The following SEMA3C variants were observed in gnomAD, a reference collection of about 807,000 sequenced individuals.
SEMA3C encodes semaphorin-3C.
SEMA3C carries 47 observed loss-of-function variants against 89.4 expected under a neutral mutation model. That is an observed-to-expected ratio of 0.53 (90% CI 0.42 to 0.67). SEMA3C has a LOEUF of 0.67. Among genes scored for constraint, SEMA3C ranks in the 30% least tolerant of loss-of-function variants. SEMA3C has a pLI of 0.00. For missense variants in SEMA3C, 839 were observed against 929.1 expected, an observed-to-expected ratio of 0.90 and a Z score of 1.26; for synonymous variants, 310 against 320.2, an observed-to-expected ratio of 0.97 and a Z score of 0.34.
chr7:80,915,501 C>T (rs978632030), intron 2 of SEMA3C, among the ~76,000 whole-genome samples: 12 of 152,074 alleles, frequency 7.9e-5, no homozygotes, highest in Non-Finnish European at 1.5e-4. Context: ...TGGCTCACCT[C>T]GGGAGGCGGA....
chr7:80,793,484 C>T (rs760618496), intron 11 of SEMA3C: 65 of 450,166 alleles, frequency 1.4e-4, no homozygotes, highest in Non-Finnish European at 2.8e-4. Flanking sequence ...TATCTTCAGA[C>T]ACAAGTATTC....
rs904350770 is a variant in SEMA3C at position 80,870,712 on chromosome 7, T to C, written c.104-41967A>G. The stretch of plus-strand genomic sequence containing the variant: ...CAGCTTATATAACATTGAACCAAAA[T>C]GAAGCATGGGGGTTTAGCACCAGAG... On this transcript the variant is annotated intron_variant, in intron 2 of 17. Transcript: ENST00000265361. 3.3e-5 allele frequency among the ~76,000 whole-genome samples: 5 copies of C among 152,302 alleles called. No homozygotes were observed. The East Asian group carries it at 7.7e-4, about 23-fold the overall frequency.
At chr7:80,849,037 C>T (rs951942271) in intron 2 of SEMA3C, among the ~76,000 whole-genome samples, 5 of 152,090 alleles carry the variant, frequency 3.3e-5, no homozygotes, top group South Asian at 2.1e-4. Context: ...CGTTTCTTAA[C>T]GCAAGAGATT....
intron 5 of SEMA3C, among the ~76,000 whole-genome samples, chr7:80,814,550 T>C (rs1789553735): frequency 6.6e-6 from 1 of 152,076 alleles, no homozygotes; most frequent in African/African-American, 2.4e-5. Context: ...GTTACTCTTA[T>C]AAAACAATGA....
intron 2 of SEMA3C, among the ~76,000 whole-genome samples, chr7:80,872,165 T>C (rs1791074048): frequency 6.6e-6 from 1 of 152,096 alleles, no homozygotes; most frequent in African/African-American, 2.4e-5. Flanking sequence ...GTTGTTGTTG[T>C]TTTCAGACAG....
intron 17 of SEMA3C, among the ~76,000 whole-genome samples, chr7:80,746,119 TCTA>T (rs1240449165): frequency 5.3e-5 from 8 of 152,148 alleles, no homozygotes; most frequent in Non-Finnish European, 8.8e-5. Flanking sequence ...ACATGTATAC[TCTA>T]GAATACTCTT....
intron 2 of SEMA3C, among the ~76,000 whole-genome samples, chr7:80,864,000 A>C: frequency 6.6e-6 from 1 of 150,612 alleles, no homozygotes; most frequent in South Asian, 2.1e-4. Context: ...TATATCACAT[A>C]TATATCGCAT....
chr7:80,874,097 T>C (rs533254882), intron 2 of SEMA3C, among the ~76,000 whole-genome samples: 15 of 152,336 alleles, frequency 9.8e-5, no homozygotes, highest in Non-Finnish European at 1.8e-4. Flanking sequence ...TCCTTGTTTA[T>C]ACTAACAACT....
intron 12 of SEMA3C, among the ~76,000 whole-genome samples, chr7:80,780,853 T>C (rs1788676853): frequency 6.6e-6 from 1 of 152,182 alleles, no homozygotes; most frequent in Non-Finnish European, 1.5e-5. Context: ...CACTGCACTC[T>C]GGCCTGAGCC....
intron 2 of SEMA3C, among the ~76,000 whole-genome samples, chr7:80,862,886 C>A (rs1037409649): frequency 5.3e-5 from 8 of 152,020 alleles, no homozygotes; most frequent in African/African-American, 1.9e-4. Context: ...AATTGGCTAG[C>A]CACATGGAGG....
chr7:80,867,039 C>A (rs749140041), intron 2 of SEMA3C, among the ~76,000 whole-genome samples: 1 of 152,172 alleles, frequency 6.6e-6, no homozygotes, highest in Non-Finnish European at 1.5e-5. Flanking sequence ...TTCGATTGCA[C>A]TGCCTATTGG....
chr7:80,874,553 G>A (rs760161003), intron 2 of SEMA3C, among the ~76,000 whole-genome samples: 7 of 151,506 alleles, frequency 4.6e-5, no homozygotes, highest in East Asian at 2.0e-4. Flanking sequence ...TACAACCTCC[G>A]CCTCCCAGGT....
At chr7:80,850,359 C>T (rs370359802) in intron 2 of SEMA3C, among the ~76,000 whole-genome samples, 43 of 152,102 alleles carry the variant, frequency 2.8e-4, no homozygotes, top group African/African-American at 7.7e-4. Flanking sequence ...AGTTCTAAAA[C>T]GGAAATGGTA....
At chr7:80,746,820 AT>A (rs1260807793) in intron 17 of SEMA3C, among the ~76,000 whole-genome samples, 2 of 151,746 alleles carry the variant, frequency 1.3e-5, no homozygotes, top group African/African-American at 4.8e-5. Context: ...GGCAGTGGGA[AT>A]AAAAACTGAG....
chr7:80,823,885 T>C (rs1789811909), intron 4 of SEMA3C, among the ~76,000 whole-genome samples: 1 of 152,074 alleles, frequency 6.6e-6, no homozygotes, highest in African/African-American at 2.4e-5. Flanking sequence ...CATTTAGAAA[T>C]AAATGGAGCA....
chr7:80,829,529 C>T (rs550990313), intron 2 of SEMA3C, among the ~76,000 whole-genome samples: 56 of 152,230 alleles, frequency 3.7e-4, no homozygotes, highest in African/African-American at 1.3e-3. Flanking sequence ...ATTAGTCCGA[C>T]TTATTTTTCT....
intron 2 of SEMA3C, among the ~76,000 whole-genome samples, chr7:80,888,341 G>A (rs1053621190): frequency 2.0e-5 from 3 of 151,622 alleles, no homozygotes; most frequent in African/African-American, 4.9e-5. Flanking sequence ...CTGAGTCCAG[G>A]AAAATGAGCC....
intron 6 of SEMA3C, among the ~76,000 whole-genome samples, chr7:80,807,071 C>CT (rs3837053): frequency 3.2e-4 from 48 of 148,408 alleles, no homozygotes; most frequent in Middle Eastern, 3.5e-3. Context: ...TGTATGAAGG[C>CT]TTTTTTTTTT....
At position 80,805,680 on chromosome 7, in the gene SEMA3C, T is replaced by C. The variant is rs1789322585; in HGVS notation, c.617A>G (p.Asn206Ser). 2.5e-6 allele frequency: 4 copies of C among 1,611,928 alleles called. No homozygotes were observed. Among genetic ancestry groups the C allele is most frequent in the Non-Finnish European group, 3.4e-6 (4 of 1,178,750 alleles). The change falls in exon 7 of 18, where the codon AAT becomes AGT. Residue 206 changes from asparagine to serine, a missense_variant. Asn to Ser is a conservative substitution (Grantham distance 46, BLOSUM62 1). Coordinates refer to ENST00000265361, the MANE Select transcript of SEMA3C (RefSeq NM_006379.5). ...AAIFRSLTKR[N>S]AVRTDQHNSK... Reference sequence around the variant, plus strand: ...ATTATGTTGATCAGTTCTGACCGCATTCCTCTTGGTTAAACTTCGAAAAAT... The same window carrying C: ...ATTATGTTGATCAGTTCTGACCGCACTCCTCTTGGTTAAACTTCGAAAAAT...
Sources: gnomAD v4.1 joint callset for allele counts (sites outside exome capture counted in the v4.1 genomes callset) on GRCh38, gnomAD v4.1.1 for gene constraint, MANE v1.5 for transcripts, NCBI Gene and HGNC (gene_info 2026-07-23, HGNC 2026-07-21) for gene names.